The following SFXN1 variants were observed in gnomAD, a reference collection of about 807,000 sequenced individuals.
SFXN1 encodes sideroflexin-1.
A neutral mutation model predicts 39.5 loss-of-function variants in SFXN1; 32 were observed. The ratio of observed to expected loss-of-function variants is 0.81; its 90% CI spans 0.61 to 1.09. SFXN1 has a LOEUF of 1.09. SFXN1 is among the 50% of genes least tolerant of loss of function. The pLI is 0.00. For missense variants in SFXN1, 402 were observed against 407.1 expected, an observed-to-expected ratio of 0.99 and a Z score of 0.11; for synonymous variants, 136 against 146.5, an observed-to-expected ratio of 0.93 and a Z score of 0.52.
chr5:175,526,559 T>A, intron 10 of SFXN1, 79 bp from the exon 11 acceptor site: 3 of 1,127,978 alleles, frequency 2.7e-6, no homozygotes, highest in Non-Finnish European at 4.0e-6. Flanking sequence ...TCCACACCTG[T>A]GCCTTCTCCC....
intron 10 of SFXN1, among the ~76,000 whole-genome samples, chr5:175,525,577 T>C (rs1278247674): frequency 6.6e-6 from 1 of 152,232 alleles, no homozygotes; most frequent in Admixed American, 6.5e-5. Flanking sequence ...TTTTTTAACC[T>C]TACAGTCTAT....
At position 175,521,940 on chromosome 5, in the gene SFXN1, C is replaced by G; in HGVS notation, c.796C>G (p.Pro266Ala). 1.2e-6 allele frequency: 2 copies of G among 1,602,232 alleles called. No individual in the cohort carries two copies. The highest frequency in any genetic ancestry group is 1.1e-5 in the South Asian group (1 of 88,954). ...FLKRFPWMSA[P>A]IQVGLVGFCL... is the part of the protein sequence containing the mutation. ...ACAGAGGTTCCCATGGATGAGTGCA[C>G]CCATTCAAGTTGGGTTAGTTGGCTT... Residue 266 changes from proline (P) to alanine (A), a missense_variant, in exon 9 of 11, where the codon CCC becomes GCC. Pro to Ala is a conservative substitution (Grantham distance 27, BLOSUM62 -1). Transcript: ENST00000321442.
intron 10 of SFXN1, chr5:175,524,119 A>T (rs1581332469): frequency 5.2e-5 from 2 of 38,632 alleles, no homozygotes; most frequent in Non-Finnish European, 8.4e-5. Context: ...AAAAAAAAAA[A>T]AAAAAAATAT....
At chr5:175,522,024 G>A (rs368480639) in intron 9 of SFXN1, 56 bp downstream of exon 9, 106 of 1,417,002 alleles carry the variant, frequency 7.5e-5, no homozygotes, top group Middle Eastern at 2.0e-4. Flanking sequence ...AATACACAGC[G>A]TATGAAAGGT....
chr5:175,523,961 T>G (rs999518279), intron 10 of SFXN1: 106 of 151,632 alleles, frequency 7.0e-4, no homozygotes, highest in African/African-American at 2.5e-3. Context: ...TTTATTTTAC[T>G]TATACTAATA....
chr5:175,525,043 G>C (rs1458235723), intron 10 of SFXN1, among the ~76,000 whole-genome samples: 1 of 152,142 alleles, frequency 6.6e-6, no homozygotes, highest in East Asian at 1.9e-4. Flanking sequence ...TAGTTTTACA[G>C]GTAAGTTTCT....
Position 175,524,155 on chromosome 5 carries a change from T to A in SFXN1, c.872+1733T>A, listed in dbSNP as rs1395658032. ...ATATATATATATATATATATATATATATATATATATATATATCTCCAATAA... is the reference window on the plus strand; with the variant it reads ...ATATATATATATATATATATATATAAATATATATATATATATCTCCAATAA... On this transcript the variant is annotated intron_variant, in intron 10 of 10. Coordinates refer to ENST00000321442, the MANE Select transcript of SFXN1 (RefSeq NM_022754.7). The A allele has an allele frequency of 2.7e-3, 248 of 92,054 alleles. 8 individuals carry two copies. The highest frequency in any genetic ancestry group is 9.3e-3 in the African/African-American group (237 of 25,526). The allele number at this position is 92,054 out of a possible 1,614,324, so 5.7% of individuals were successfully genotyped here. A position where few individuals can be genotyped will look rare whatever the true frequency, so the allele number is the denominator to read the frequency against.
rs879019439 is a variant in SFXN1, at chr5:175,527,915, A to ATTTTTT, written c.*1198_*1203dup. The ATTTTTT allele has an allele frequency of 4.9e-5, 6 of 121,222 alleles. No individual in the cohort carries two copies. The highest frequency in any genetic ancestry group is 1.8e-4 in the Admixed American group (2 of 11,316). The allele number at this position is 121,222 out of a possible 1,614,324, so 7.5% of individuals were successfully genotyped here. A position where few individuals can be genotyped will look rare whatever the true frequency, so the allele number is the denominator to read the frequency against. On this transcript the variant is annotated 3_prime_UTR_variant, in exon 11 of 11. Transcript: ENST00000321442. Reference sequence around the variant, plus strand: ...GAATTCAACCAAGTTTGGATGGAAAATTTTTTTTTTTTTTTTTTTTTTGAG... The same window carrying ATTTTTT: ...GAATTCAACCAAGTTTGGATGGAAAATTTTTTTTTTTTTTTTTTTTTTTTTTTTGAG...
At position 175,528,415 on chromosome 5, in the gene SFXN1, C is replaced by T. The variant is rs548111637; in HGVS notation, c.*1681C>T. The stretch of plus-strand genomic sequence containing the variant: ...TGCCATTTTATATCAGGAACTTGAG[C>T]ATCTGCAGATATTGGTATCGGAGGG... On this transcript the variant is annotated 3_prime_UTR_variant, in exon 11 of 11. Coordinates refer to ENST00000321442, the MANE Select transcript of SFXN1 (RefSeq NM_022754.7). 36 of 152,220 alleles carry T rather than the reference C, an allele frequency of 2.4e-4. No individual in the cohort carries two copies. Among genetic ancestry groups the T allele is most frequent in the African/African-American group, 7.7e-4 (32 of 41,504 alleles). The allele number at this position is 152,220 out of a possible 1,614,324, so 9.4% of individuals were successfully genotyped here.
At chr5:175,507,940 T>G (rs1760366985) in intron 2 of SFXN1, among the ~76,000 whole-genome samples, 1 of 147,130 alleles carries the variant, frequency 6.8e-6, no homozygotes, top group Non-Finnish European at 1.5e-5. Flanking sequence ...GCCATTGCAC[T>G]CCAGCCTGGG....
rs192689981 is a variant in SFXN1, at chr5:175,507,043, A to G, written c.165-1989A>G. ...TATGGAGGCTCAAGGTCTGATATCA[A>G]GGTGTCAACAGGGCCATGCTCCCTC... On this transcript the variant is annotated intron_variant, in intron 2 of 10. Coordinates refer to ENST00000321442, the MANE Select transcript of SFXN1 (RefSeq NM_022754.7). Among the ~76,000 whole-genome samples the G allele has an allele frequency of 9.3e-4, 142 of 152,300 alleles. 1 individual carries two copies. Among genetic ancestry groups the G allele is most frequent in the African/African-American group, 3.2e-3 (132 of 41,568 alleles).
chr5:175,507,585 G>A (rs556419585), intron 2 of SFXN1, among the ~76,000 whole-genome samples: 1 of 152,236 alleles, frequency 6.6e-6, no homozygotes, highest in South Asian at 2.1e-4. Context: ...TGCTCTAATG[G>A]ATTCCTGTTT....
intron 10 of SFXN1, chr5:175,523,617 A>G (rs1693414748): frequency 6.6e-6 from 1 of 152,210 alleles, no homozygotes. Flanking sequence ...CCCATAGAGA[A>G]ACTTTCTACT....
At chr5:175,490,742 G>T (rs930312899) in intron 1 of SFXN1, among the ~76,000 whole-genome samples, 3 of 152,022 alleles carry the variant, frequency 2.0e-5, no homozygotes, top group African/African-American at 7.2e-5. Context: ...GCATAGACAG[G>T]GATAAGCATT....
intron 1 of SFXN1, among the ~76,000 whole-genome samples, chr5:175,486,831 C>T (rs905396691): frequency 3.3e-5 from 5 of 152,212 alleles, no homozygotes; most frequent in South Asian, 2.1e-4. Flanking sequence ...ACCGTGATGG[C>T]GGCAGCTTGC....
chr5:175,480,299 G>A (rs778127752), intron 1 of SFXN1, among the ~76,000 whole-genome samples: 1 of 152,144 alleles, frequency 6.6e-6, no homozygotes, highest in Non-Finnish European at 1.5e-5. Context: ...TACTCGGGAG[G>A]CTGAGGCAGG....
chr5:175,519,372 C>T (rs185447814), intron 8 of SFXN1, among the ~76,000 whole-genome samples: 1 of 152,258 alleles, frequency 6.6e-6, no homozygotes, highest in African/African-American at 2.4e-5. Flanking sequence ...AAAATAGAAG[C>T]ACATGTCCAT....
At chr5:175,522,076 C>T in intron 9 of SFXN1, 108 bp downstream of exon 9, 1 of 881,386 alleles carries the variant, frequency 1.1e-6, no homozygotes, top group Non-Finnish European at 1.7e-6. Flanking sequence ...ATGAGGCCAT[C>T]TCAGAACATC....
chr5:175,519,634 T>C (rs1760818444), intron 8 of SFXN1, among the ~76,000 whole-genome samples: 1 of 152,042 alleles, frequency 6.6e-6, no homozygotes, highest in Admixed American at 6.5e-5. Context: ...GGTTGCCATA[T>C]AATGGGGTGC....
Sources: allele counts gnomAD v4.1 joint callset (sites outside exome capture counted in the v4.1 genomes callset), GRCh38; gene constraint gnomAD v4.1.1; transcripts MANE v1.5; gene names NCBI Gene and HGNC (gene_info 2026-07-23, HGNC 2026-07-21).